ACSM2A: variants seen among roughly 807,000 people sequenced by gnomAD.
ACSM2A encodes acyl-CoA synthetase medium chain family member 2A, also known as acyl-coenzyme A synthetase ACSM2A, mitochondrial.
ACSM2A carries 72 observed loss-of-function variants against 76.6 expected under a neutral mutation model. The observed-to-expected ratio is 0.94, with a 90% CI of 0.78 to 1.14. ACSM2A has a LOEUF of 1.14. Among genes scored for constraint, ACSM2A ranks in the 50% most tolerant of loss-of-function variants. The pLI is 0.00. For synonymous variants in ACSM2A, 249 were observed against 255.9 expected, an observed-to-expected ratio of 0.97 and a Z score of 0.26; for missense variants, 684 against 708.5, an observed-to-expected ratio of 0.97 and a Z score of 0.39.
rs1362083893 is a variant in ACSM2A at position 20,483,085 on chromosome 16, T to C, written c.1537T>C (p.Ser513Pro). The C allele has an allele frequency of 8.7e-6, 14 of 1,613,902 alleles. No homozygotes were observed. The highest frequency in any genetic ancestry group is 1.2e-5 in the Non-Finnish European group (14 of 1,179,954). The change falls in exon 13 of 14, where the codon TCG becomes CCG. Residue 513 changes from serine to proline, a missense_variant. Physicochemically the swap from Ser to Pro is moderately conservative, Grantham distance 74 (BLOSUM62 -1). Coordinates refer to ENST00000573854, the MANE Select transcript of ACSM2A (RefSeq NM_001308172.2). ...EVVKAFVVLA[S>P]QFLSHDPEQL... ...GGTGAAGGCATTTGTGGTCCTGGCCTCGCAGTTCCTGTCCCATGACCCAGA... is the reference window on the plus strand; with the variant it reads ...GGTGAAGGCATTTGTGGTCCTGGCCCCGCAGTTCCTGTCCCATGACCCAGA...
intron 1 of ACSM2A, among the ~76,000 whole-genome samples, chr16:20,456,937 T>C (rs1334000342): frequency 7.2e-6 from 1 of 138,678 alleles, no homozygotes; most frequent in Admixed American, 7.0e-5. Context: ...ACAAAGAAAA[T>C]CCAAATAAGC....
chr16:20,486,015 T>C (rs547506693), intron 13 of ACSM2A, among the ~76,000 whole-genome samples: 2 of 152,332 alleles, frequency 1.3e-5, no homozygotes, highest in South Asian at 2.1e-4. Flanking sequence ...TTAGGGTACA[T>C]TGATAGGAAA....
chr16:20,461,436 C>T (rs1318057946), intron 2 of ACSM2A, among the ~76,000 whole-genome samples: 1 of 152,280 alleles, frequency 6.6e-6, no homozygotes, highest in East Asian at 1.9e-4. Context: ...TACCATGACT[C>T]ACCATTCTGA....
intron 6 of ACSM2A, among the ~76,000 whole-genome samples, chr16:20,474,867 G>A (rs2013633312): frequency 6.6e-6 from 1 of 152,198 alleles, no homozygotes. Flanking sequence ...GTTTTGAAAT[G>A]TCTATAGATG....
rs1027727232 is a variant in ACSM2A at position 20,475,446 on chromosome 16, T to C, written c.974+5T>C. 20 of 1,613,648 alleles carry C rather than the reference T, an allele frequency of 1.2e-5. No individual in the cohort carries two copies. In the Admixed American group the frequency reaches 2.5e-4, roughly 20 times the overall value. ...GCTACAGCAGGATCTTTCCAGGTGA[T>C]GGGGCTTTGAGGATTGGTAAGAGAG... On this transcript the variant is annotated splice_donor_5th_base_variant and intron_variant, in intron 7 of 13. Coordinates refer to ENST00000573854, the MANE Select transcript of ACSM2A (RefSeq NM_001308172.2).
intron 10 of ACSM2A, 109 bp downstream of exon 10, chr16:20,478,786 A>G: frequency 2.2e-6 from 3 of 1,381,160 alleles, no homozygotes; most frequent in Non-Finnish European, 2.9e-6. Context: ...AGATGTGGAG[A>G]CAAAGACTGT....
rs1365964339 is a variant in ACSM2A, at chr16:20,475,449, G to A, written c.974+8G>A. The stretch of plus-strand genomic sequence containing the variant: ...ACAGCAGGATCTTTCCAGGTGATGG[G>A]GCTTTGAGGATTGGTAAGAGAGTCT... On this transcript the variant is annotated splice_region_variant and intron_variant, in intron 7 of 13. Transcript: ENST00000573854. 1.2e-6 allele frequency: 2 copies of A among 1,613,634 alleles called. No homozygotes were observed. The highest frequency in any genetic ancestry group is 1.7e-4 in the Middle Eastern group (1 of 6,056).
intron 1 of ACSM2A, among the ~76,000 whole-genome samples, chr16:20,458,842 ATT>A (rs1011342856): frequency 7.3e-6 from 1 of 137,840 alleles, no homozygotes; most frequent in African/African-American, 2.7e-5. Flanking sequence ...ATAAAAAAGA[ATT>A]TTTTATATTT....
At chr16:20,485,691 CA>C in intron 13 of ACSM2A, among the ~76,000 whole-genome samples, 1 of 152,340 alleles carries the variant, frequency 6.6e-6, no homozygotes, top group Admixed American at 6.5e-5. Context: ...GTGTTTTGAA[CA>C]AACTCTTCTC....
At chr16:20,469,264 A>G (rs1910805) in intron 3 of ACSM2A, among the ~76,000 whole-genome samples, 16 of 152,266 alleles carry the variant, frequency 1.1e-4, no homozygotes, top group Admixed American at 4.6e-4. Flanking sequence ...ACTATCAACA[A>G]TGTGACATTA....
chr16:20,458,722 C>A (rs964086443), intron 1 of ACSM2A, among the ~76,000 whole-genome samples: 1 of 136,880 alleles, frequency 7.3e-6, no homozygotes, highest in African/African-American at 2.7e-5. Flanking sequence ...CCATGAAGTC[C>A]GTATGGTATG....
chr16:20,456,458 G>A (rs2012161813), intron 1 of ACSM2A, among the ~76,000 whole-genome samples: 1 of 149,192 alleles, frequency 6.7e-6, no homozygotes, highest in South Asian at 2.2e-4. Context: ...TACTCTCTCA[G>A]ACCGCCTTGG....
intron 10 of ACSM2A, among the ~76,000 whole-genome samples, 177 bp downstream of exon 10, chr16:20,478,854 C>T (rs1277020612): frequency 6.6e-6 from 1 of 152,192 alleles, no homozygotes; most frequent in East Asian, 1.9e-4. Flanking sequence ...TCAGCCTTGC[C>T]ATCCTCAGCC....
At chr16:20,463,115 C>A (rs10163426) in intron 2 of ACSM2A, among the ~76,000 whole-genome samples, 1 of 139,848 alleles carries the variant, frequency 7.2e-6, no homozygotes, top group Admixed American at 7.4e-5. Flanking sequence ...TAACATTAGG[C>A]GATATACCTA....
intron 10 of ACSM2A, 103 bp downstream of exon 10, chr16:20,478,780 G>A (rs1505103): frequency 2.3e-5 from 33 of 1,430,104 alleles, no homozygotes; most frequent in South Asian, 2.2e-4. Context: ...GGCACTAGAT[G>A]TGGAGACAAA....
intron 13 of ACSM2A, 135 bp downstream of exon 13, chr16:20,483,312 G>T (rs1369429762): frequency 2.7e-5 from 38 of 1,386,266 alleles, no homozygotes; most frequent in Non-Finnish European, 3.6e-5. Flanking sequence ...GCTCACGCCT[G>T]TAATCCCAGC....
At chr16:20,485,728 A>T (rs1043520753) in intron 13 of ACSM2A, among the ~76,000 whole-genome samples, 1 of 152,236 alleles carries the variant, frequency 6.6e-6, no homozygotes, top group Non-Finnish European at 1.5e-5. Context: ...GACTTATAGA[A>T]GAATTCTTAT....
chr16:20,466,476 G>C (rs1505095), intron 3 of ACSM2A, among the ~76,000 whole-genome samples: 1 of 150,760 alleles, frequency 6.6e-6, no homozygotes, highest in Non-Finnish European at 1.5e-5. Flanking sequence ...TAGGAGTTGT[G>C]GTAGAGAAGA....
chr16:20,458,906 A>ATG lies in ACSM2A; in HGVS notation c.-8-1200_-8-1199insGT, dbSNP rs1567356788. Among the ~76,000 whole-genome samples the ATG allele has an allele frequency of 6.6e-4, 20 of 30,136 alleles. 1 individual carries two copies. Among genetic ancestry groups the ATG allele is most frequent in the African/African-American group, 5.1e-3 (18 of 3,558 alleles). The allele number at this position is 30,136 out of a possible 152,430, so 19.8% of individuals were successfully genotyped here. A position where few individuals can be genotyped will look rare whatever the true frequency, so the allele number is the denominator to read the frequency against. Reference sequence around the variant, plus strand: ...CATAGTATATATTATATATATATGCATATATATATATATATATATATATAT... The same window carrying ATG: ...CATAGTATATATTATATATATATGCATGTATATATATATATATATATATATAT... On this transcript the variant is annotated intron_variant, in intron 1 of 13. Coordinates refer to ENST00000573854, the MANE Select transcript of ACSM2A (RefSeq NM_001308172.2).
Sources: allele counts gnomAD v4.1 joint callset (sites outside exome capture counted in the v4.1 genomes callset), GRCh38; gene constraint gnomAD v4.1.1; transcripts MANE v1.5; gene names NCBI Gene and HGNC (gene_info 2026-07-23, HGNC 2026-07-21).